The following SASH1 variants were observed in gnomAD, a reference collection of about 807,000 sequenced individuals.
SASH1 encodes SAM and SH3 domain containing 1, also known as SAM and SH3 domain-containing protein 1.
A neutral mutation model predicts 125.2 loss-of-function variants in SASH1; 44 were observed. The observed-to-expected ratio is 0.35, with a 90% CI of 0.28 to 0.45. The LOEUF (loss-of-function observed/expected upper bound fraction) is 0.45. SASH1 is among the 20% of genes least tolerant of loss of function. SASH1 has a pLI of 1.00. For synonymous variants in SASH1, 639 were observed against 649.1 expected (o/e 0.98, Z 0.24); for missense variants, 1,426 against 1,614.5 (o/e 0.88, Z 2.00).
Position 148,542,343 on chromosome 6 carries a change from A to AT in SASH1, c.2210-1327dup, listed in dbSNP as rs550599492. Among the ~76,000 whole-genome samples, 68 of 150,256 alleles carry AT rather than the reference A, an allele frequency of 4.5e-4. No homozygotes were observed. In the South Asian group the frequency reaches 5.7e-3, roughly 13 times the overall value. ...CAACCCACTTTTAAAATCTGATGCA[A>AT]TTTTTTTTTTCTGAAGAGGTATTTC... On this transcript the variant is annotated intron_variant, in intron 17 of 19. Transcript: ENST00000367467.
chr6:148,252,769 A>G, the SASH1 span, among the ~76,000 whole-genome samples: 2 of 152,084 alleles, frequency 1.3e-5, no homozygotes, highest in Admixed American at 1.3e-4. Flanking sequence ...ATGAGCCACC[A>G]TGCCCAGCCC....
At chr6:148,313,456 GTTC>G (rs1483555045) in intron 1 of SASH1, among the ~76,000 whole-genome samples, 2 of 152,180 alleles carry the variant, frequency 1.3e-5, no homozygotes, top group Non-Finnish European at 2.9e-5. Context: ...GTATTTAAAT[GTTC>G]TTCTGGGTAG....
chr6:148,433,574 T>C (rs1398678886), intron 2 of SASH1, among the ~76,000 whole-genome samples: 2 of 151,904 alleles, frequency 1.3e-5, no homozygotes, highest in Non-Finnish European at 2.9e-5. Context: ...CCTGGCTTAT[T>C]TTTGTATTTT....
chr6:148,238,970 C>T, the SASH1 span, among the ~76,000 whole-genome samples: 4 of 152,086 alleles, frequency 2.6e-5, no homozygotes, highest in Non-Finnish European at 4.4e-5. Flanking sequence ...GAGGTATGGT[C>T]GGATAGAAGC....
intron 1 of SASH1, among the ~76,000 whole-genome samples, chr6:148,354,855 C>T (rs139274694): frequency 1.2e-4 from 19 of 152,136 alleles, no homozygotes; most frequent in Admixed American, 2.6e-4. Flanking sequence ...CTCTGCCTCC[C>T]GCGTTCAAGC....
chr6:148,359,341 T>TTTTTTAA (rs59930473), intron 1 of SASH1, among the ~76,000 whole-genome samples: 2 of 150,972 alleles, frequency 1.3e-5, no homozygotes, highest in Non-Finnish European at 1.5e-5. Context: ...TTTTTTTTTT[T>TTTTTTAA]AACAAATTGA....
chr6:148,543,811 G>A lies in SASH1; in HGVS notation c.2341G>A (p.Gly781Arg). 1 of 1,614,140 alleles carries A rather than the reference G, an allele frequency of 6.2e-7. No homozygotes were observed. Among genetic ancestry groups the A allele is most frequent in the Non-Finnish European group, 8.5e-7 (1 of 1,180,010 alleles). ...GAAATCAGGGGATGCACTGAAGCAG[G>A]GACAGGAGGAGGGCAGGCTGGGTGG... ...LMKSGDALKQ[G>R]QEEGRLGGGL... The change falls in exon 18 of 20, where the codon GGA (glycine) becomes AGA (arginine). Residue 781 changes from glycine (G) to arginine (R), a missense_variant. Coordinates refer to ENST00000367467, the MANE Select transcript of SASH1 (RefSeq NM_015278.5).
At chr6:148,311,221 C>G (rs1012877171) in intron 1 of SASH1, among the ~76,000 whole-genome samples, 4 of 152,006 alleles carry the variant, frequency 2.6e-5, no homozygotes, top group Admixed American at 2.6e-4. Flanking sequence ...ATTCTGCTGC[C>G]TCAGCCTCCC....
chr6:148,453,602 A>C (rs1777204093), intron 4 of SASH1, among the ~76,000 whole-genome samples: 1 of 152,124 alleles, frequency 6.6e-6, no homozygotes, highest in South Asian at 2.1e-4. Context: ...CTACAGGTAC[A>C]ATCAAAGACT....
intron 10 of SASH1, among the ~76,000 whole-genome samples, chr6:148,524,121 A>ATATATATATTTTTT (rs1193506716): frequency 2.3e-5 from 3 of 128,590 alleles, no homozygotes; most frequent in East Asian, 2.3e-4. Flanking sequence ...ATATATATAT[A>ATATATATATTTTTT]TTTTTTTTAA....
chr6:148,290,618 A>G (rs944023737), intron 1 of SASH1, among the ~76,000 whole-genome samples: 4 of 152,082 alleles, frequency 2.6e-5, no homozygotes, highest in African/African-American at 9.7e-5. Flanking sequence ...AAAAGAAGGA[A>G]ATTAAGGGCG....
At chr6:148,406,260 A>T (rs1370722974) in intron 2 of SASH1, among the ~76,000 whole-genome samples, 1 of 152,176 alleles carries the variant, frequency 6.6e-6, no homozygotes, top group African/African-American at 2.4e-5. Flanking sequence ...ATCTCAAAGA[A>T]TACCTCTGAA....
At chr6:148,341,554 A>AAC (rs548357997), upstream of SASH1, among the ~76,000 whole-genome samples, 7 of 152,288 alleles carry the variant, frequency 4.6e-5, no homozygotes, top group South Asian at 1.5e-3. Flanking sequence ...CTTTCCTGTA[A>AAC]GGACTATTCA....
chr6:148,251,790 A>G, the SASH1 span, among the ~76,000 whole-genome samples: 2 of 150,482 alleles, frequency 1.3e-5, no homozygotes, highest in African/African-American at 2.4e-5. Flanking sequence ...CCATTAACTC[A>G]TCATTTACAT....
chr6:148,512,999 C>T (rs1160374286), intron 8 of SASH1: 1 of 985,192 alleles, frequency 1.0e-6, no homozygotes, highest in Non-Finnish European at 1.2e-6. Context: ...CCCTTACTAT[C>T]CTTGTACTAA....
chr6:148,316,370 A>G (rs1292542442), intron 1 of SASH1, among the ~76,000 whole-genome samples: 1 of 152,164 alleles, frequency 6.6e-6, no homozygotes, highest in Non-Finnish European at 1.5e-5. Flanking sequence ...GAAGGGAGCC[A>G]CTCTGAAGCT....
Position 148,349,066 on chromosome 6 carries a change from G to A in SASH1, c.156+5843G>A, listed in dbSNP as rs75117721. Among the ~76,000 whole-genome samples, 297 of 152,064 alleles carry A rather than the reference G, an allele frequency of 2.0e-3. 2 individuals are homozygous for A. Among genetic ancestry groups the A allele is most frequent in the African/African-American group, 6.9e-3 (286 of 41,500 alleles). ...GTGAGAGGGATAAAAAGGAAGGTGCGAGGTGGGCCCTTCCCCACAGAGCAA... is the reference window on the plus strand; with the variant it reads ...GTGAGAGGGATAAAAAGGAAGGTGCAAGGTGGGCCCTTCCCCACAGAGCAA... On this transcript the variant is annotated intron_variant, in intron 1 of 19. Coordinates refer to ENST00000367467, the MANE Select transcript of SASH1 (RefSeq NM_015278.5).
chr6:148,531,015 C>T (rs1781480770), intron 12 of SASH1, among the ~76,000 whole-genome samples: 1 of 152,116 alleles, frequency 6.6e-6, no homozygotes, highest in South Asian at 2.1e-4. Context: ...TTCATGTTTC[C>T]TTATCCAATG....
chr6:148,409,685 C>T (rs963113390), intron 2 of SASH1, among the ~76,000 whole-genome samples: 2 of 152,236 alleles, frequency 1.3e-5, no homozygotes, highest in African/African-American at 4.8e-5. Flanking sequence ...CCTGTAATCC[C>T]AGCATTCTGG....
Sources: gnomAD v4.1 joint callset for allele counts (sites outside exome capture counted in the v4.1 genomes callset) on GRCh38, gnomAD v4.1.1 for gene constraint, MANE v1.5 for transcripts, NCBI Gene and HGNC (gene_info 2026-07-23, HGNC 2026-07-21) for gene names.